Variants in MUC5B observed in about 807,000 individuals in gnomAD.
MUC5B encodes mucin-5B.
MUC5B carries 116 observed loss-of-function variants against 376.9 expected under a neutral mutation model. That is an observed-to-expected ratio of 0.31 (90% confidence interval 0.26 to 0.36). The LOEUF (loss-of-function observed/expected upper bound fraction) is 0.36, where lower values mean the gene tolerates loss of function less well. Ranked by LOEUF, MUC5B falls within the 10% of genes least tolerant of loss-of-function variation. The pLI, the probability that MUC5B is intolerant of heterozygous loss-of-function variation, is 1.00. For synonymous variants in MUC5B, 3,517 were observed against 3,390.9 expected (o/e 1.04, Z -1.29); for missense variants, 7,165 against 7,769.9 (o/e 0.92, Z 2.93).
rs1401143351 is a variant in MUC5B, at chr11:1,258,146, G to A, written c.16498G>A (p.Gly5500Arg). The change falls in exon 42 of 49, where the codon GGG becomes AGG. Residue 5500 changes from glycine (G) to arginine (R), a missense_variant. Transcript: ENST00000529681. This position sits in a 1 kb window ranked among gnomAD's most constrained non-coding sequence, Gnocchi z 5.5. ...CPQSLPVCPP[G>R]QESICTQEEG... ...CCAGAGCCTGCCTGTGTGCCCGCCA[G>A]GGCAGGAGTCCATCTGCACCCAGGA... 1.2e-6 allele frequency: 2 copies of A among 1,601,840 alleles called. No individual in the cohort carries two copies.
intron 23 of MUC5B, among the ~76,000 whole-genome samples, chr11:1,236,097 C>A (rs913064973): frequency 3.3e-5 from 5 of 152,174 alleles, no homozygotes; most frequent in African/African-American, 1.2e-4. Context: ...GGCGTGGGGG[C>A]TGCAGGGCTG....
chr11:1,236,663 G>A, intron 24 of MUC5B, 101 bp downstream of exon 24: 8 of 1,300,158 alleles, frequency 6.2e-6, no homozygotes, highest in South Asian at 1.5e-5. Flanking sequence ...ACCCGTGGGT[G>A]CGTGAGCCTG....
At position 1,253,024 on chromosome 11, in the gene MUC5B, A is replaced by G. The variant is rs1366393055; in HGVS notation, c.15217+44A>G. 1.3e-6 allele frequency: 2 copies of G among 1,595,710 alleles called. No homozygotes were observed. Among genetic ancestry groups the G allele is most frequent in the African/African-American group, 1.4e-5 (1 of 73,596 alleles). On this transcript the variant is annotated intron_variant, in intron 33 of 48. Transcript: ENST00000529681. The surrounding 1 kb of genome is among the most constrained non-coding windows in gnomAD (Gnocchi z 4.3). ...GCGGGATTACCCCGGGGGCAGGTGG[A>G]GCAGAGTGCACCGTCGGCTAGGCTG...
intron 37 of MUC5B, 59 bp downstream of exon 37, chr11:1,255,617 G>A (rs1397667469): frequency 5.2e-5 from 29 of 555,240 alleles, no homozygotes; most frequent in African/African-American, 1.7e-4. Context: ...TGTCCTGTGC[G>A]GTGAGTGGGG....
Position 1,227,670 on chromosome 11 carries a change from G to T in MUC5B, c.668-5G>T, listed in dbSNP as rs372765890. The T allele has an allele frequency of 1.4e-6, 1 of 718,856 alleles. No homozygotes were observed. The allele number at this position is 718,856 out of a possible 1,614,324, so 44.5% of individuals were successfully genotyped here. A position where few individuals can be genotyped will look rare whatever the true frequency, so the allele number is the denominator to read the frequency against. On this transcript the variant is annotated splice_region_variant and splice_polypyrimidine_tract_variant and intron_variant, in intron 6 of 48. Coordinates refer to ENST00000529681, the MANE Select transcript of MUC5B (RefSeq NM_002458.3). Reference sequence around the variant, plus strand: ...GCCACCACACCCCTGCTTTCTTCCCGGCAGACGCCAGGCTGACCCCGCTCC... The same window carrying T: ...GCCACCACACCCCTGCTTTCTTCCCTGCAGACGCCAGGCTGACCCCGCTCC...
Position 1,241,121 on chromosome 11 carries a change from C to G in MUC5B, c.4241C>G (p.Pro1414Arg). ...GLMCANSQQS[P>R]PLCHDYELRV... Reference sequence around the variant, plus strand: ...ATGTGCGCCAACAGCCAACAGAGTCCCCCGCTCTGTCACGACTACGAGCTG... The same window carrying G: ...ATGTGCGCCAACAGCCAACAGAGTCGCCCGCTCTGTCACGACTACGAGCTG... The change falls in exon 31 of 49, where the codon CCC (proline) becomes CGC (arginine). Residue 1414 changes from proline to arginine, a missense_variant. Around this residue, in one of 31 missense-constraint regions of MUC5B, gnomAD observed 517 missense variants for 545.3 expected, o/e 0.95. Transcript: ENST00000529681. 1 of 1,612,154 alleles carries G rather than the reference C, an allele frequency of 6.2e-7. No homozygotes were observed. Among genetic ancestry groups the G allele is most frequent in the Non-Finnish European group, 8.5e-7 (1 of 1,179,344 alleles).
intron 6 of MUC5B, 119 bp downstream of exon 6, chr11:1,227,517 C>T (rs886453949): frequency 5.1e-5 from 39 of 764,348 alleles, no homozygotes; most frequent in South Asian, 2.7e-4. Flanking sequence ...GGAGGGGCCA[C>T]GAGGACTGTG....
Position 1,235,237 on chromosome 11 carries a change from T to C in MUC5B, c.2769+14T>C. The C allele has an allele frequency of 6.2e-7, 1 of 1,611,670 alleles. No individual in the cohort carries two copies. Among genetic ancestry groups the C allele is most frequent in the Non-Finnish European group, 8.5e-7 (1 of 1,178,938 alleles). ...ATCTTGGCCCAGGTACGCCGCCCCCTCGCCCACTCCTGCAGGCCGGGCACA... is the reference window on the plus strand; with the variant it reads ...ATCTTGGCCCAGGTACGCCGCCCCCCCGCCCACTCCTGCAGGCCGGGCACA... On this transcript the variant is annotated intron_variant, in intron 22 of 48. Coordinates refer to ENST00000529681, the MANE Select transcript of MUC5B (RefSeq NM_002458.3).
intron 26 of MUC5B, chr11:1,239,237 C>T (rs957223893): frequency 3.2e-5 from 29 of 900,812 alleles, no homozygotes; most frequent in Non-Finnish European, 4.9e-5. Context: ...GAGACAGCTC[C>T]TAGGGGACAA....
At position 1,246,160 on chromosome 11, in the gene MUC5B, A is replaced by G. The variant is rs745606788; in HGVS notation, c.9280A>G (p.Ile3094Val). 3 of 1,607,350 alleles carry G rather than the reference A, an allele frequency of 1.9e-6. No individual in the cohort carries two copies. The Admixed American group carries it at 5.0e-5, about 27-fold the overall frequency. Reference sequence around the variant, plus strand: ...CACACCCATGGCCACCATGTCCACAATCCACCCCTCCTCCACTCCGGAGAC... The same window carrying G: ...CACACCCATGGCCACCATGTCCACAGTCCACCCCTCCTCCACTCCGGAGAC... ...TTTPMATMST[I>V]HPSSTPETTH... Residue 3094 changes from isoleucine to valine, a missense_variant, in exon 31 of 49, where the codon ATC becomes GTC. By Grantham distance (29) the Ile-to-Val change is conservative (BLOSUM62 3). This residue lies in a region of MUC5B where 939 missense variants were observed against 770.6 expected (regional missense o/e 1.22). Transcript: ENST00000529681.
At position 1,250,999 on chromosome 11, in the gene MUC5B, C is replaced by T; in HGVS notation, c.14119C>T (p.Pro4707Ser). 2 of 1,610,076 alleles carry T rather than the reference C, an allele frequency of 1.2e-6. No individual in the cohort carries two copies. The highest frequency in any genetic ancestry group is 1.7e-6 in the Non-Finnish European group (2 of 1,177,422). ...AACTCCAGGGACAACACCCATCACC[C>T]CAGTGCTGACCAGCACGGCCACCAC... ...SSTPGTTPIT[P>S]VLTSTATTPA... Residue 4707 changes from proline to serine, a missense_variant, in exon 31 of 49, where the codon CCA (proline) becomes TCA (serine). This residue lies in a region of MUC5B where 730 missense variants were observed against 592.7 expected (regional missense o/e 1.23). Transcript: ENST00000529681.
Position 1,242,471 on chromosome 11 carries a change from G to C in MUC5B, c.5591G>C (p.Gly1864Ala). Reference protein sequence around the residue: ...GLTCKNEDQTGRFNMCFNYNV... With the variant: ...GLTCKNEDQTARFNMCFNYNV... Reference sequence around the variant, plus strand: ...ACCTGCAAGAACGAAGACCAGACAGGCAGGTTCAACATGTGCTTCAACTAC... The same window carrying C: ...ACCTGCAAGAACGAAGACCAGACAGCCAGGTTCAACATGTGCTTCAACTAC... Residue 1864 changes from glycine (G) to alanine (A), a missense_variant, in exon 31 of 49, where the codon GGC becomes GCC. Physicochemically the swap from Gly to Ala is moderately conservative, Grantham distance 60 (BLOSUM62 0). Around this residue, in one of 31 missense-constraint regions of MUC5B, gnomAD observed 897 missense variants for 779.6 expected, o/e 1.15. Transcript: ENST00000529681. The C allele has an allele frequency of 6.2e-7, 1 of 1,613,738 alleles. No homozygotes were observed. Among genetic ancestry groups the C allele is most frequent in the Non-Finnish European group, 8.5e-7 (1 of 1,179,802 alleles).
chr11:1,242,942 C>A lies in MUC5B; in HGVS notation c.6062C>A (p.Thr2021Lys). Reference protein sequence around the residue: ...SSTPETAHTSTVLTATATTTG... With the variant: ...SSTPETAHTSKVLTATATTTG... ...ACTCCAGAGACTGCCCACACCTCCA[C>A]AGTGCTTACCGCCACGGCCACCACA... The change falls in exon 31 of 49, where the codon ACA (threonine) becomes AAA (lysine). Residue 2021 changes from threonine (T) to lysine (K), a missense_variant. Coordinates refer to ENST00000529681, the MANE Select transcript of MUC5B (RefSeq NM_002458.3). 6.2e-7 allele frequency: 1 copy of A among 1,613,128 alleles called. No homozygotes were observed. Among genetic ancestry groups the A allele is most frequent in the Non-Finnish European group, 8.5e-7 (1 of 1,179,322 alleles).
rs55933911 is a variant in MUC5B, at chr11:1,242,457, C to T, written c.5577C>T (p.Asn1859=). Residue 1859 remains asparagine, a synonymous_variant, in exon 31 of 49, where the codon AAC becomes AAT. Transcript: ENST00000529681. Reference sequence around the variant, plus strand: ...TGGAGACGGGGCTGACCTGCAAGAACGAAGACCAGACAGGCAGGTTCAACA... The same window carrying T: ...TGGAGACGGGGCTGACCTGCAAGAATGAAGACCAGACAGGCAGGTTCAACA... ...CSLETGLTCK[N]EDQTGRFNMC... is the part of the protein sequence containing the mutation. 0.047 allele frequency: 76,429 copies of T among 1,613,718 alleles called. 2,263 individuals carry two copies. The highest frequency in any genetic ancestry group is 0.053 in the Non-Finnish European group (62,463 of 1,179,782).
At position 1,223,570 on chromosome 11, in the gene MUC5B, G is replaced by C. The variant is rs537690217; in HGVS notation, c.70+377G>C. Among the ~76,000 whole-genome samples the C allele has an allele frequency of 2.1e-3, 322 of 152,244 alleles. 3 individuals are homozygous for C. Among genetic ancestry groups the C allele is most frequent in the African/African-American group, 7.5e-3 (312 of 41,540 alleles). On this transcript the variant is annotated intron_variant, in intron 1 of 48. Coordinates refer to ENST00000529681, the MANE Select transcript of MUC5B (RefSeq NM_002458.3). ...GAGGCCCAGGCATCAGAGTGAGCAGGGGCAGGCTTAGCGTGGACCCCTGTC... is the reference window on the plus strand; with the variant it reads ...GAGGCCCAGGCATCAGAGTGAGCAGCGGCAGGCTTAGCGTGGACCCCTGTC...
Position 1,254,862 on chromosome 11 carries a change from A to G in MUC5B, c.15646A>G (p.Asn5216Asp). The change falls in exon 35 of 49, where the codon AAC (asparagine) becomes GAC (aspartate). Residue 5216 changes from asparagine to aspartate, a missense_variant. Transcript: ENST00000529681. Reference protein sequence around the residue: ...ARLPYSLFHNNTEGQCGTCTN... With the variant: ...ARLPYSLFHNDTEGQCGTCTN... ...GCTGCCCTACAGCCTCTTCCACAAC[A>G]ACACCGAGGGCCAGTGCGGTGAGTG... The G allele has an allele frequency of 6.2e-7, 1 of 1,611,346 alleles. No individual in the cohort carries two copies. Among genetic ancestry groups the G allele is most frequent in the East Asian group, 2.2e-5 (1 of 44,844 alleles).
In MUC5B at chr11:1,233,075, C is replaced by G. The variant is rs777989569; in HGVS notation, c.2128C>G (p.Pro710Ala). The change falls in exon 18 of 49, where the codon CCC becomes GCC. Residue 710 changes from proline to alanine, a missense_variant. Transcript: ENST00000529681. ...RYAYVVDACQ[P>A]TCRGLSEADV... The stretch of plus-strand genomic sequence containing the variant: ...CGCCTACGTGGTGGATGCCTGCCAG[C>G]CCACTTGCCGCGGCCTGAGTGAGGC... 26 of 1,606,530 alleles carry G rather than the reference C, an allele frequency of 1.6e-5. No homozygotes were observed. The Admixed American group carries it at 3.5e-4, about 22-fold the overall frequency.
In MUC5B at chr11:1,232,461, C is replaced by G. The variant is rs56411917; in HGVS notation, c.1855C>G (p.Arg619Gly). 22 of 1,606,984 alleles carry G rather than the reference C, an allele frequency of 1.4e-5. No homozygotes were observed. Among genetic ancestry groups the G allele is most frequent in the Non-Finnish European group, 1.9e-5 (22 of 1,177,546 alleles). ...SLSVENENYA[R>G]HWCSRLTDPN... ...GGTCTTCCCCACAGAGAACTACGCC[C>G]GGCACTGGTGCTCGCGCCTGACCGA... is the stretch of plus-strand genomic sequence containing the variant. Residue 619 changes from arginine to glycine, a missense_variant, in exon 16 of 49, where the codon CGG (arginine) becomes GGG (glycine). By Grantham distance (125) the Arg-to-Gly change is moderately radical (BLOSUM62 -2). This residue lies in a region of MUC5B where 530 missense variants were observed against 604.0 expected (regional missense o/e 0.88). Coordinates refer to ENST00000529681, the MANE Select transcript of MUC5B (RefSeq NM_002458.3).
In MUC5B at chr11:1,246,098, C is replaced by G. The variant is rs1318528488; in HGVS notation, c.9218C>G (p.Thr3073Ser). Reference protein sequence around the residue: ...ATSFTPIPSFTLGTTGTLPEQ... With the variant: ...ATSFTPIPSFSLGTTGTLPEQ... ...AGCTTTACACCCATCCCCTCCTTCA[C>G]CCTTGGGACCACCGGGACCCTCCCA... Residue 3073 changes from threonine to serine, a missense_variant, in exon 31 of 49, where the codon ACC becomes AGC. Coordinates refer to ENST00000529681, the MANE Select transcript of MUC5B (RefSeq NM_002458.3). The G allele has an allele frequency of 6.2e-7, 1 of 1,613,024 alleles. No individual in the cohort carries two copies. The highest frequency in any genetic ancestry group is 1.1e-5 in the South Asian group (1 of 91,026).
Sources: gnomAD v4.1 joint callset for allele counts (sites outside exome capture counted in the v4.1 genomes callset) on GRCh38, gnomAD v4.1.1 for gene constraint, gnomAD v4.1.1 regional missense constraint, Gnocchi (gnomAD v3.1) non-coding constraint, MANE v1.5 for transcripts, NCBI Gene and HGNC (gene_info 2026-07-23, HGNC 2026-07-21) for gene names.